The following WNT7B variants were observed in gnomAD, a reference collection of about 807,000 sequenced individuals.
The protein encoded by WNT7B is Wnt family member 7B.
Under a neutral mutation model 38.2 loss-of-function variants are expected in WNT7B, and 19 were observed. That is an observed-to-expected ratio of 0.50 (90% CI 0.35 to 0.73). The LOEUF (loss-of-function observed/expected upper bound fraction) is 0.73. Ranked by LOEUF, WNT7B falls within the 30% of genes least tolerant of loss-of-function variation. The pLI is 0.01. For synonymous variants in WNT7B, 243 were observed against 209.3 expected, an observed-to-expected ratio of 1.16 and a Z score of -1.39; for missense variants, 423 against 507.9, an observed-to-expected ratio of 0.83 and a Z score of 1.61.
chr22:45,933,946 C>T (rs998608915), intron 2 of WNT7B, among the ~76,000 whole-genome samples: 1 of 152,196 alleles, frequency 6.6e-6, no homozygotes, highest in Non-Finnish European at 1.5e-5. Context: ...GATGTCAGGG[C>T]ACTTGTCTGG....
At chr22:45,934,778 T>C (rs1013674236) in intron 2 of WNT7B, among the ~76,000 whole-genome samples, 6 of 152,186 alleles carry the variant, frequency 3.9e-5, no homozygotes, top group Non-Finnish European at 7.3e-5. Context: ...CCGCTCCTGC[T>C]AATTCCTTTT....
At chr22:45,959,457 C>T (rs1288988795) in intron 1 of WNT7B, among the ~76,000 whole-genome samples, 1 of 152,166 alleles carries the variant, frequency 6.6e-6, no homozygotes, top group African/African-American at 2.4e-5. Context: ...AGCTCCCCGC[C>T]AGCAACAGGA....
rs1225152669 is a variant in WNT7B, at chr22:45,975,302, A to C, written c.71+1382T>G. Reference sequence around the variant, plus strand: ...GTCACTGCAGGACTGCTGAAGATGCAGGAAAAGAGCAGCCTGCCCACTCCA... The same window carrying C: ...GTCACTGCAGGACTGCTGAAGATGCCGGAAAAGAGCAGCCTGCCCACTCCA... On this transcript the variant is annotated intron_variant, in intron 1 of 3. Coordinates refer to ENST00000339464, the MANE Select transcript of WNT7B (RefSeq NM_058238.3). This position sits in a 1 kb window ranked among gnomAD's most constrained non-coding sequence, Gnocchi z 6.6. Among the ~76,000 whole-genome samples, 1 of 152,142 alleles carries C rather than the reference A, an allele frequency of 6.6e-6. No homozygotes were observed. Among genetic ancestry groups the C allele is most frequent in the Non-Finnish European group, 1.5e-5 (1 of 68,004 alleles).
At chr22:45,929,295 A>G (rs953368222) in intron 3 of WNT7B, among the ~76,000 whole-genome samples, 2 of 152,126 alleles carry the variant, frequency 1.3e-5, no homozygotes, top group African/African-American at 4.8e-5. Flanking sequence ...CCTGGAGACT[A>G]GTGCTCACAT....
At chr22:45,927,869 C>G (rs866317674) in intron 3 of WNT7B, among the ~76,000 whole-genome samples, 1 of 152,214 alleles carries the variant, frequency 6.6e-6, no homozygotes, top group African/African-American at 2.4e-5. Flanking sequence ...GCACTCCAGC[C>G]TCAGCGACAG....
Position 45,976,830 on chromosome 22 carries a change from G to T in WNT7B, c.-76C>A. 7.2e-6 allele frequency: 10 copies of T among 1,382,400 alleles called. No individual in the cohort carries two copies. Among genetic ancestry groups the T allele is most frequent in the Non-Finnish European group, 9.6e-6 (10 of 1,046,620 alleles). The allele number at this position is 1,382,400 out of a possible 1,614,324, so 85.6% of individuals were successfully genotyped here. On this transcript the variant is annotated 5_prime_UTR_variant, in exon 1 of 4. Coordinates refer to ENST00000339464, the MANE Select transcript of WNT7B (RefSeq NM_058238.3). The surrounding 1 kb of genome is among the most constrained non-coding windows in gnomAD (Gnocchi z 8.5). ...GCGGGCCCGGCAGGGCCGGGCAGGG[G>T]CCAGGGGGCTGCGGGCAGACTGCGC...
chr22:45,931,464 G>A (rs997974392), intron 2 of WNT7B, 95 bp from the exon 3 acceptor site: 3 of 1,389,032 alleles, frequency 2.2e-6, no homozygotes, highest in African/African-American at 1.4e-5. Context: ...ACCTGCTGTT[G>A]GCTGGTTGTG....
In WNT7B at chr22:45,928,761, T is replaced by G. The variant is rs114704847; in HGVS notation, c.570+2337A>C. Among the ~76,000 whole-genome samples the G allele has an allele frequency of 5.2e-3, 788 of 152,326 alleles. 5 individuals carry two copies. The highest frequency in any genetic ancestry group is 0.018 in the African/African-American group (748 of 41,558). On this transcript the variant is annotated intron_variant, in intron 3 of 3. Transcript: ENST00000339464. Reference sequence around the variant, plus strand: ...TCAGACACAACCCTGGTCCCTGAGTTGGTCAGTGTCACTGCCCCAGGGCCC... The same window carrying G: ...TCAGACACAACCCTGGTCCCTGAGTGGGTCAGTGTCACTGCCCCAGGGCCC...
In WNT7B at chr22:45,961,408, G is replaced by A. The variant is rs150483709; in HGVS notation, c.72-11262C>T. Among the ~76,000 whole-genome samples, 640 of 152,328 alleles carry A rather than the reference G, an allele frequency of 4.2e-3. 3 individuals are homozygous for A. The highest frequency in any genetic ancestry group is 0.014 in the African/African-American group (589 of 41,578). ...TGTGGGGGAGGGACAGGCCCAAAGC[G>A]CTCCCCTTTCCAAGCAGGTTCATGG... On this transcript the variant is annotated intron_variant, in intron 1 of 3. Coordinates refer to ENST00000339464, the MANE Select transcript of WNT7B (RefSeq NM_058238.3).
chr22:45,964,023 G>A (rs966427170), intron 1 of WNT7B, among the ~76,000 whole-genome samples: 5 of 152,060 alleles, frequency 3.3e-5, no homozygotes, highest in Non-Finnish European at 5.9e-5. Flanking sequence ...GAGCAGGTGC[G>A]GCCCATGTGC....
At chr22:45,958,628 C>T (rs1316360547) in intron 1 of WNT7B, among the ~76,000 whole-genome samples, 4 of 152,154 alleles carry the variant, frequency 2.6e-5, no homozygotes, top group Non-Finnish European at 4.4e-5. Flanking sequence ...GAACAGGAAT[C>T]GGAGGTCCAG....
At position 45,965,726 on chromosome 22, in the gene WNT7B, C is replaced by T. The variant is rs1397029434; in HGVS notation, c.71+10958G>A. 6.6e-6 allele frequency among the ~76,000 whole-genome samples: 1 copy of T among 152,188 alleles called. No individual in the cohort carries two copies. The highest frequency in any genetic ancestry group is 1.5e-5 in the Non-Finnish European group (1 of 68,026). ...AGAAGGCCTCTGGGCTTCCCATACC[C>T]GCAGGACAGCTGCACCTCTGGTCCC... is the stretch of plus-strand genomic sequence containing the variant. On this transcript the variant is annotated intron_variant, in intron 1 of 3. Coordinates refer to ENST00000339464, the MANE Select transcript of WNT7B (RefSeq NM_058238.3). This position sits in a 1 kb window ranked among gnomAD's most constrained non-coding sequence, Gnocchi z 6.5.
chr22:45,927,874 C>T (rs969927164), intron 3 of WNT7B, among the ~76,000 whole-genome samples: 11 of 152,270 alleles, frequency 7.2e-5, no homozygotes, highest in Admixed American at 4.6e-4. Context: ...CCAGCCTCAG[C>T]GACAGAGCAA....
chr22:45,931,341 G>A lies in WNT7B; in HGVS notation c.327C>T (p.Ala109=). The A allele has an allele frequency of 1.9e-6, 3 of 1,594,024 alleles. No homozygotes were observed. Among genetic ancestry groups the A allele is most frequent in the Non-Finnish European group, 1.7e-6 (2 of 1,176,658 alleles). Residue 109 remains alanine, a synonymous_variant, in exon 3 of 4, where the codon GCC becomes GCT. Coordinates refer to ENST00000339464, the MANE Select transcript of WNT7B (RefSeq NM_058238.3). ...CGTGCGCCACGCCAGCCGCGGTGAT[G>A]GCGTACGTGAAGGCAGCCTCACGGC... The part of the protein sequence containing the change: ...VGSREAAFTY[A]ITAAGVAHAV...
chr22:45,956,903 C>T (rs539763318), intron 1 of WNT7B, among the ~76,000 whole-genome samples: 20 of 151,774 alleles, frequency 1.3e-4, no homozygotes, highest in African/African-American at 4.6e-4. Flanking sequence ...GTCAGGAGAT[C>T]GAGACCATCC....
At position 45,931,313 on chromosome 22, in the gene WNT7B, C is replaced by T. The variant is rs752263059; in HGVS notation, c.355G>A (p.Val119Ile). The change falls in exon 3 of 4, where the codon GTC becomes ATC. Residue 119 changes from valine to isoleucine, a missense_variant. Val to Ile is a conservative substitution (Grantham distance 29, BLOSUM62 3). Coordinates refer to ENST00000339464, the MANE Select transcript of WNT7B (RefSeq NM_058238.3). ...AITAAGVAHA[V>I]TAACSQGNLS... Reference sequence around the variant, plus strand: ...TTCCCTTGGCTGCAGGCAGCGGTGACGGCGTGCGCCACGCCAGCCGCGGTG... The same window carrying T: ...TTCCCTTGGCTGCAGGCAGCGGTGATGGCGTGCGCCACGCCAGCCGCGGTG... The T allele has an allele frequency of 6.3e-6, 10 of 1,597,124 alleles. No individual in the cohort carries two copies. The highest frequency in any genetic ancestry group is 7.6e-6 in the Non-Finnish European group (9 of 1,178,938).
At chr22:45,925,339 CAAAGACTGG>C (rs1033901348) in intron 3 of WNT7B, 1 of 985,318 alleles carries the variant, frequency 1.0e-6, no homozygotes, top group Non-Finnish European at 1.2e-6. Flanking sequence ...TGCCCTTGGA[CAAAGACTGG>C]AGAGACTGGG....
Position 45,975,829 on chromosome 22 carries a change from G to T in WNT7B, c.71+855C>A. On this transcript the variant is annotated intron_variant, in intron 1 of 3. Coordinates refer to ENST00000339464, the MANE Select transcript of WNT7B (RefSeq NM_058238.3). The surrounding 1 kb of genome is among the most constrained non-coding windows in gnomAD (Gnocchi z 6.6). Reference sequence around the variant, plus strand: ...GTGGGCGCCCCAGGCGAGGTGCACCGCACCCCCTCTCCGTCACGCCGTTTC... The same window carrying T: ...GTGGGCGCCCCAGGCGAGGTGCACCTCACCCCCTCTCCGTCACGCCGTTTC... The T allele has an allele frequency of 3.4e-6, 1 of 295,428 alleles. No homozygotes were observed. Among genetic ancestry groups the T allele is most frequent in the Non-Finnish European group, 6.2e-6 (1 of 161,824 alleles). 18.3% of individuals were successfully genotyped at this position (295,428 alleles called of 1,614,324 possible).
chr22:45,925,278 G>T, intron 3 of WNT7B: 6 of 985,384 alleles, frequency 6.1e-6, no homozygotes, highest in Non-Finnish European at 7.2e-6. Flanking sequence ...TGCCGGGTGG[G>T]CCCTAGGCTG....
Sources: allele counts gnomAD v4.1 joint callset (sites outside exome capture counted in the v4.1 genomes callset), GRCh38; gene constraint gnomAD v4.1.1; non-coding constraint Gnocchi (gnomAD v3.1); transcripts MANE v1.5; gene names NCBI Gene and HGNC (gene_info 2026-07-23, HGNC 2026-07-21).